The following GALNT5 variants were observed in gnomAD, a reference collection of about 807,000 sequenced individuals.
GALNT5 encodes UDP-GalNAc:polypeptide N-acetylgalactosaminyltransferase 5.
A neutral mutation model predicts 85.4 loss-of-function variants in GALNT5; 72 were observed. That is an observed-to-expected ratio of 0.84 (90% CI 0.70 to 1.03). The LOEUF is 1.03. GALNT5 is among the 50% of genes least tolerant of loss of function. GALNT5 has a pLI of 0.00. For synonymous variants in GALNT5, 404 were observed against 397.0 expected, an observed-to-expected ratio of 1.02 and a Z score of -0.21; for missense variants, 1,137 against 1,135.5, an observed-to-expected ratio of 1.00 and a Z score of -0.02.
chr2:157,273,166 T>C (rs1339908316), intron 1 of GALNT5, among the ~76,000 whole-genome samples: 3 of 152,216 alleles, frequency 2.0e-5, no homozygotes. Flanking sequence ...AACTTTAGTC[T>C]CATCACTCTG....
rs1297296020 is a variant in GALNT5, at chr2:157,284,456, A to C, written c.1621+8A>C. The stretch of plus-strand genomic sequence containing the variant: ...ATGACTTCAGCACCAAAGGTAAGAA[A>C]ACCACTCAGGCTATCTCTTGAAATT... On this transcript the variant is annotated splice_region_variant and intron_variant, in intron 2 of 9. Transcript: ENST00000259056. 6.2e-7 allele frequency: 1 copy of C among 1,611,994 alleles called. No individual in the cohort carries two copies. Among genetic ancestry groups the C allele is most frequent in the African/African-American group, 1.3e-5 (1 of 74,886 alleles).
intron 7 of GALNT5, among the ~76,000 whole-genome samples, chr2:157,303,074 C>T (rs1366249987): frequency 1.3e-5 from 2 of 152,210 alleles, no homozygotes; most frequent in Admixed American, 1.3e-4. Flanking sequence ...TCCCTTCTTT[C>T]AACCTCCACT....
chr2:157,309,415 G>A (rs1170805084), intron 9 of GALNT5, among the ~76,000 whole-genome samples: 1 of 152,194 alleles, frequency 6.6e-6, no homozygotes, highest in African/African-American at 2.4e-5. Context: ...CTGGTCTACT[G>A]TATTCATTCT....
chr2:157,277,196 G>T (rs1232525866), intron 1 of GALNT5, among the ~76,000 whole-genome samples: 4 of 152,024 alleles, frequency 2.6e-5, no homozygotes, highest in Non-Finnish European at 4.4e-5. Context: ...ACAGTTTGTT[G>T]TGATTTCTGT....
chr2:157,273,910 G>T (rs754128066), intron 1 of GALNT5, among the ~76,000 whole-genome samples: 1 of 151,650 alleles, frequency 6.6e-6, no homozygotes, highest in Non-Finnish European at 1.5e-5. Flanking sequence ...GTGCCATGTT[G>T]GTTTGCTGCA....
In GALNT5 at chr2:157,258,637, A is replaced by G. The variant is rs780143151; in HGVS notation, c.555A>G (p.Ser185=). ...AAKGTQVVKI[S]VHMGRVSLKQ... ...AAGGAACTCAGGTAGTCAAAATATC[A>G]GTACACATGGGACGTGTCAGTTTAA... Residue 185 remains serine, a synonymous_variant, in exon 1 of 10, where the codon TCA becomes TCG. Transcript: ENST00000259056. 1.4e-5 allele frequency: 23 copies of G among 1,613,578 alleles called. No individual in the cohort carries two copies. In the Admixed American group the frequency reaches 1.5e-4, roughly 11 times the overall value.
At chr2:157,278,181 C>T (rs1043360219) in intron 1 of GALNT5, among the ~76,000 whole-genome samples, 2 of 152,146 alleles carry the variant, frequency 1.3e-5, no homozygotes, top group Admixed American at 6.5e-5. Context: ...GAGTTTCTGC[C>T]GAGAGATCCA....
At chr2:157,280,421 C>A (rs6756958) in intron 1 of GALNT5, among the ~76,000 whole-genome samples, 3 of 152,080 alleles carry the variant, frequency 2.0e-5, no homozygotes, top group Non-Finnish European at 4.4e-5. Flanking sequence ...AAGTCAAAGA[C>A]TGCCAGCAGA....
Position 157,315,793 on chromosome 2 carries a change from G to A in GALNT5, c.*4445G>A, listed in dbSNP as rs967001479. On this transcript the variant is annotated 3_prime_UTR_variant, in exon 10 of 10. Transcript: ENST00000259056. ...TCTGGGGAAATACCCATGGTTCATT[G>A]TCTGATGCCAAGAAAGAATTCAGGA... 6.6e-6 allele frequency among the ~76,000 whole-genome samples: 1 copy of A among 152,176 alleles called. No individual in the cohort carries two copies. The highest frequency in any genetic ancestry group is 1.5e-5 in the Non-Finnish European group (1 of 68,020).
At chr2:157,299,515 GC>G in intron 5 of GALNT5, 32 bp from the exon 6 acceptor site, 1 of 1,268,356 alleles carries the variant, frequency 7.9e-7, no homozygotes, top group Non-Finnish European at 1.2e-6. Flanking sequence ...TTCATGAGAT[GC>G]AAGTTTAAAA....
In GALNT5 at chr2:157,317,948, G is replaced by A. The variant is rs2105180407; in HGVS notation, c.*6600G>A. Among the ~76,000 whole-genome samples the A allele has an allele frequency of 6.6e-6, 1 of 152,152 alleles. No individual in the cohort carries two copies. The highest frequency in any genetic ancestry group is 2.1e-4 in the South Asian group (1 of 4,816). ...TGAAGTTAAGTAGAATATTGTAGGG[G>A]TTATCAGAAACCCATATTCATTGTG... is the stretch of plus-strand genomic sequence containing the variant. On this transcript the variant is annotated 3_prime_UTR_variant, in exon 10 of 10. Transcript: ENST00000259056.
rs1683653479 is a variant in GALNT5, at chr2:157,314,521, T to C, written c.*3173T>C. Among the ~76,000 whole-genome samples the C allele has an allele frequency of 6.6e-6, 1 of 152,196 alleles. No homozygotes were observed. The highest frequency in any genetic ancestry group is 6.5e-5 in the Admixed American group (1 of 15,276). The stretch of plus-strand genomic sequence containing the variant: ...ATGTGCCATGATCACAATGTATTAT[T>C]AGCTTCGCCACACTAATTTGGAAAC... On this transcript the variant is annotated 3_prime_UTR_variant, in exon 10 of 10. Transcript: ENST00000259056.
intron 1 of GALNT5, among the ~76,000 whole-genome samples, chr2:157,282,021 TA>T (rs1682865661): frequency 6.6e-6 from 1 of 152,196 alleles, no homozygotes; most frequent in African/African-American, 2.4e-5. Context: ...ATAAAGCTCT[TA>T]AGTGAAGAGA....
At chr2:157,282,847 T>C (rs1173477375) in intron 1 of GALNT5, among the ~76,000 whole-genome samples, 4 of 152,156 alleles carry the variant, frequency 2.6e-5, no homozygotes, top group African/African-American at 4.8e-5. Flanking sequence ...AAGAAGTGTA[T>C]AATAATATGT....
intron 1 of GALNT5, among the ~76,000 whole-genome samples, chr2:157,276,500 G>C (rs1270761192): frequency 6.6e-6 from 1 of 152,144 alleles, no homozygotes; most frequent in Admixed American, 6.5e-5. Context: ...CTCAATTTCA[G>C]AGCCTGTTAT....
chr2:157,317,196 A>T lies in GALNT5; in HGVS notation c.*5848A>T, dbSNP rs540717464. Reference sequence around the variant, plus strand: ...TGTGTATATATATATATATATATATATATTTTTTTTTTTGATGCTTTGATC... The same window carrying T: ...TGTGTATATATATATATATATATATTTATTTTTTTTTTTGATGCTTTGATC... On this transcript the variant is annotated 3_prime_UTR_variant, in exon 10 of 10. Transcript: ENST00000259056. Among the ~76,000 whole-genome samples, 5,459 of 132,304 alleles carry T rather than the reference A, an allele frequency of 0.041. 120 individuals carry two copies. Among genetic ancestry groups the T allele is most frequent in the African/African-American group, 0.077 (2,383 of 30,874 alleles). 86.8% of individuals were successfully genotyped at this position (132,304 alleles called of 152,430 possible).
In GALNT5 at chr2:157,318,382, T is replaced by A. The variant is rs1228647120; in HGVS notation, c.*7034T>A. 6.6e-6 allele frequency among the ~76,000 whole-genome samples: 1 copy of A among 152,288 alleles called. No individual in the cohort carries two copies. Among genetic ancestry groups the A allele is most frequent in the Non-Finnish European group, 1.5e-5 (1 of 68,020 alleles). ...ATGATCTCAGTTCCTTAAAAAATGA[T>A]AAAAATTTTTCATGTATATTACATA... On this transcript the variant is annotated 3_prime_UTR_variant, in exon 10 of 10. Transcript: ENST00000259056.
rs1222280143 is a variant in GALNT5 at position 157,284,302 on chromosome 2, A to T, written c.1475A>T (p.His492Leu). The change falls in exon 2 of 10, where the codon CAC becomes CTC. Residue 492 changes from histidine to leucine, a missense_variant. By Grantham distance (99) the His-to-Leu change is moderately conservative. Transcript: ENST00000259056. ...RPAGCAEQLV[H>L]NNLPTTSVIM... Reference sequence around the variant, plus strand: ...CCCAGATGTGCAGAGCAGCTAGTTCACAATAACCTCCCAACCACCAGTGTC... The same window carrying T: ...CCCAGATGTGCAGAGCAGCTAGTTCTCAATAACCTCCCAACCACCAGTGTC... 1 of 1,613,834 alleles carries T rather than the reference A, an allele frequency of 6.2e-7. No individual in the cohort carries two copies. Among genetic ancestry groups the T allele is most frequent in the African/African-American group, 1.3e-5 (1 of 74,900 alleles).
chr2:157,291,193 G>A (rs1352101601), intron 3 of GALNT5, among the ~76,000 whole-genome samples: 1 of 152,274 alleles, frequency 6.6e-6, no homozygotes, highest in African/African-American at 2.4e-5. Context: ...GCCAAGAGGA[G>A]TTACAGTCAG....
Sources: gnomAD v4.1 joint callset for allele counts (sites outside exome capture counted in the v4.1 genomes callset) on GRCh38, gnomAD v4.1.1 for gene constraint, MANE v1.5 for transcripts, NCBI Gene and HGNC (gene_info 2026-07-23, HGNC 2026-07-21) for gene names.